LAMA3: variants seen among roughly 807,000 people sequenced by gnomAD.
LAMA3 encodes laminin subunit alpha-3.
A neutral mutation model predicts 402.0 loss-of-function variants in LAMA3; 281 were observed. That is an observed-to-expected ratio of 0.70 (90% CI 0.63 to 0.77). LAMA3 has a LOEUF of 0.77. Among genes scored for constraint, LAMA3 ranks in the 30% least tolerant of loss-of-function variants. The probability of loss-of-function intolerance (pLI) is 0.00; values close to 1 mark genes in which losing one functional copy is unlikely to be tolerated. For synonymous variants in LAMA3, 1,431 were observed against 1,558.4 expected (o/e 0.92, Z 1.93); for missense variants, 3,840 against 4,215.5 (o/e 0.91, Z 2.47).
chr18:23,859,948 C>T (rs576726790), intron 34 of LAMA3, among the ~76,000 whole-genome samples: 237 of 152,264 alleles, frequency 1.6e-3, no homozygotes, highest in Non-Finnish European at 2.6e-3. Context: ...CCACTTATCT[C>T]ATTAGCACAC....
chr18:23,921,506 C>A lies in LAMA3; in HGVS notation c.8098C>A (p.Gln2700Lys). The part of the protein sequence containing the change: ...QKRMWINVDV[Q>K]NTIIDGEVFD... The stretch of plus-strand genomic sequence containing the variant: ...GCGTATGTGGATAAATGTGGACGTT[C>A]AAAACACTATAATTGATGGTGAAGT... Residue 2700 changes from glutamine to lysine, a missense_variant, in exon 62 of 75, where the codon CAA becomes AAA. This residue lies in a region of LAMA3 where 840 missense variants were observed against 981.9 expected (regional missense o/e 0.86). Coordinates refer to ENST00000313654, the MANE Select transcript of LAMA3 (RefSeq NM_198129.4). The A allele has an allele frequency of 1.2e-6, 2 of 1,613,632 alleles. No individual in the cohort carries two copies. Among genetic ancestry groups the A allele is most frequent in the Non-Finnish European group, 1.7e-6 (2 of 1,179,648 alleles).
At chr18:23,898,597 A>C (rs112984468) in intron 44 of LAMA3, 141 bp from the exon 45 acceptor site, 3 of 687,514 alleles carry the variant, frequency 4.4e-6, no homozygotes, top group Non-Finnish European at 8.0e-6. Context: ...TATGTAACCT[A>C]TTTCCAAGAA....
At chr18:23,757,277 C>G (rs909840343) in intron 6 of LAMA3, among the ~76,000 whole-genome samples, 7 of 152,052 alleles carry the variant, frequency 4.6e-5, no homozygotes, top group Non-Finnish European at 7.4e-5. Flanking sequence ...GGCTTCAGGC[C>G]GTCTTCCCAC....
chr18:23,741,459 T>C (rs1227907567), intron 2 of LAMA3, among the ~76,000 whole-genome samples: 3 of 152,090 alleles, frequency 2.0e-5, no homozygotes, highest in Non-Finnish European at 2.9e-5. Flanking sequence ...TAAACTGCAG[T>C]TGAATTTTAA....
rs1414045346 is a variant in LAMA3 at position 23,777,641 on chromosome 18, T to C, written c.1468+22T>C. On this transcript the variant is annotated intron_variant, in intron 11 of 74. Transcript: ENST00000313654. ...AAAGGCAAGTAACCTCCCTTTTGGT[T>C]TAACTCCAGTGAAAATGTTATGCCC... The C allele has an allele frequency of 1.9e-6, 3 of 1,543,452 alleles. No homozygotes were observed. The Admixed American group carries it at 5.0e-5, about 26-fold the overall frequency.
intron 1 of LAMA3, among the ~76,000 whole-genome samples, chr18:23,703,974 G>A (rs1410984693): frequency 6.6e-6 from 1 of 152,212 alleles, no homozygotes; most frequent in Non-Finnish European, 1.5e-5. Flanking sequence ...GTTAGGAAGG[G>A]AGCCCAGGAT....
intron 38 of LAMA3, chr18:23,873,104 A>G (rs2064584053): frequency 1.2e-6 from 2 of 1,614,220 alleles, no homozygotes; most frequent in Non-Finnish European, 1.7e-6. Context: ...TCTTTGGGGC[A>G]GCCCTGGGGC....
rs1460155068 is a variant in LAMA3, at chr18:23,689,627, G to A, written c.-57G>A. The stretch of plus-strand genomic sequence containing the variant: ...GTCCGGGAGGCGCAGGCGGAGAGCG[G>A]CGGTGCCCCCGAGCCCCTCTGCGGA... On this transcript the variant is annotated 5_prime_UTR_variant, in exon 1 of 75. Transcript: ENST00000313654. 3.2e-6 allele frequency: 4 copies of A among 1,235,844 alleles called. No homozygotes were observed. Among genetic ancestry groups the A allele is most frequent in the Non-Finnish European group, 4.0e-6 (4 of 990,558 alleles). 76.6% of individuals were successfully genotyped at this position (1,235,844 alleles called of 1,614,324 possible).
intron 13 of LAMA3, among the ~76,000 whole-genome samples, chr18:23,812,040 A>T (rs1411103719): frequency 3.3e-5 from 5 of 151,444 alleles, no homozygotes. Context: ...TGCCTAGCTA[A>T]TTTTTTGTAT....
chr18:23,885,741 A>G (rs2065053234), intron 41 of LAMA3, among the ~76,000 whole-genome samples: 1 of 152,232 alleles, frequency 6.6e-6, no homozygotes, highest in Non-Finnish European at 1.5e-5. Context: ...TCATAAAATC[A>G]ATACATATTT....
chr18:23,787,601 G>A (rs2062570838), intron 12 of LAMA3, among the ~76,000 whole-genome samples: 1 of 152,108 alleles, frequency 6.6e-6, no homozygotes. Context: ...TATGAACACA[G>A]GAACACCAGT....
At chr18:23,932,872 G>A (rs978945174) in intron 66 of LAMA3, among the ~76,000 whole-genome samples, 6 of 152,170 alleles carry the variant, frequency 3.9e-5, no homozygotes, top group African/African-American at 1.2e-4. Context: ...CCATGACAGG[G>A]AGCCTCCCAC....
At chr18:23,799,365 A>G (rs1189981361) in intron 12 of LAMA3, among the ~76,000 whole-genome samples, 1 of 152,232 alleles carries the variant, frequency 6.6e-6, no homozygotes, top group Non-Finnish European at 1.5e-5. Flanking sequence ...AGGGCTGCCA[A>G]TGCTAGAGTT....
chr18:23,881,361 G>A (rs1462125031), intron 39 of LAMA3, among the ~76,000 whole-genome samples: 1 of 152,130 alleles, frequency 6.6e-6, no homozygotes, highest in Non-Finnish European at 1.5e-5. Flanking sequence ...AACAAATTCT[G>A]TGTTAAGAAC....
At chr18:23,814,023 A>T (rs1351446634) in intron 14 of LAMA3, among the ~76,000 whole-genome samples, 1 of 152,234 alleles carries the variant, frequency 6.6e-6, no homozygotes, top group Non-Finnish European at 1.5e-5. Flanking sequence ...GCACTCTCAG[A>T]TAAACAATTC....
At chr18:23,769,088 C>G (rs58906350) in intron 8 of LAMA3, among the ~76,000 whole-genome samples, 3 of 152,266 alleles carry the variant, frequency 2.0e-5, no homozygotes, top group East Asian at 3.9e-4. Context: ...AAGCTGAGCG[C>G]CATGCAATAT....
intron 43 of LAMA3, 36 bp from the exon 44 acceptor site, chr18:23,894,871 C>G (rs138301136): frequency 6.2e-7 from 1 of 1,614,016 alleles, no homozygotes; most frequent in African/African-American, 1.3e-5. Flanking sequence ...ACGGCTCCCC[C>G]CACAGCACAT....
intron 1 of LAMA3, among the ~76,000 whole-genome samples, chr18:23,712,151 C>T (rs2061001693): frequency 1.3e-5 from 2 of 152,112 alleles, no homozygotes; most frequent in South Asian, 4.1e-4. Flanking sequence ...GAGGCCGAGG[C>T]AGGCGGATCA....
intron 10 of LAMA3, among the ~76,000 whole-genome samples, chr18:23,777,252 TA>T (rs35550543): frequency 9.5e-4 from 141 of 148,016 alleles, no homozygotes; most frequent in African/African-American, 2.1e-3. Flanking sequence ...GATTTTATGT[TA>T]AAAAAAAAAA....
Sources: allele counts gnomAD v4.1 joint callset (sites outside exome capture counted in the v4.1 genomes callset), GRCh38; gene constraint gnomAD v4.1.1; regional missense constraint gnomAD v4.1.1; transcripts MANE v1.5; gene names NCBI Gene and HGNC (gene_info 2026-07-23, HGNC 2026-07-21).